Variants in DMD observed in about 807,000 individuals in gnomAD.
The protein encoded by DMD is dystrophin.
A neutral mutation model predicts 330.1 loss-of-function variants in DMD; 63 were observed. The observed-to-expected ratio is 0.19, with a 90% CI of 0.16 to 0.24. DMD has a LOEUF of 0.24. DMD is among the 10% of genes least tolerant of loss of function. The pLI, the probability that DMD is intolerant of heterozygous loss-of-function variation, is 1.00. For missense variants in DMD, 3,344 were observed against 2,684.1 expected (o/e 1.25, Z -5.43); for synonymous variants, 1,223 against 959.8 (o/e 1.27, Z -5.07).
chrX:32,723,401 T>C (rs936487701), intron 7 of DMD, among the ~76,000 whole-genome samples: 8 of 111,495 alleles, frequency 7.2e-5, no homozygotes, highest in African/African-American at 2.6e-4. Flanking sequence ...GCGGTGTCTG[T>C]TTGACTTTCG....
Position 32,085,629 on chromosome X carries a change from C to CACACATATATACGTATATAT in DMD, c.6439-117116_6439-117115insATATATACGTATATATGTGT, listed in dbSNP as rs1569541189. ...GTGTATATATATACGTATATATATA[C>CACACATATATACGTATATAT]ACATATATACGTATATATATGTGTG... On this transcript the variant is annotated intron_variant, in intron 44 of 78. Coordinates refer to ENST00000357033, the MANE Select transcript of DMD (RefSeq NM_004006.3). Among the ~76,000 whole-genome samples the CACACATATATACGTATATAT allele has an allele frequency of 2.7e-3, 146 of 54,902 alleles. 1 individual carries two copies. The highest frequency in any genetic ancestry group is 9.5e-3 in the African/African-American group (140 of 14,682). 47.7% of individuals were successfully genotyped at this position (54,902 alleles called of 115,157 possible).
chrX:32,040,486 A>G (rs767530509), intron 44 of DMD, among the ~76,000 whole-genome samples: 4 of 112,053 alleles, frequency 3.6e-5, no homozygotes, highest in Non-Finnish European at 7.5e-5. Context: ...AACCGTAGCT[A>G]AAGTCCAGAC....
intron 44 of DMD, among the ~76,000 whole-genome samples, chrX:32,085,617 C>CAT (rs1569541143): frequency 1.2e-5 from 1 of 85,301 alleles, no homozygotes; most frequent in African/African-American, 4.7e-5. Flanking sequence ...TATATATATA[C>CAT]GTATATATAT....
At chrX:32,776,516 G>A (rs1193934500) in intron 7 of DMD, among the ~76,000 whole-genome samples, 1 of 111,270 alleles carries the variant, frequency 9.0e-6, no homozygotes, top group Non-Finnish European at 1.9e-5. Flanking sequence ...AATCATGGTG[G>A]AAGGTGAAGG....
intron 1 of DMD, among the ~76,000 whole-genome samples, chrX:33,281,865 A>G (rs754151072): frequency 9.3e-6 from 1 of 107,924 alleles, no homozygotes; most frequent in South Asian, 4.2e-4. Context: ...TTGATGGTAC[A>G]TTCTGAGTGG....
At chrX:32,437,408 T>C (rs770798919) in intron 29 of DMD, among the ~76,000 whole-genome samples, 93 of 112,204 alleles carry the variant, frequency 8.3e-4, no homozygotes, top group African/African-American at 2.9e-3. Context: ...GTCCCCGACA[T>C]TGACTATTCA....
rs2097575999 is a variant in DMD at position 32,314,487 on chromosome X, G to A, written c.5923-4211C>T. Among the ~76,000 whole-genome samples the A allele has an allele frequency of 3.6e-5, 4 of 111,307 alleles. No homozygotes were observed. The Admixed American group carries it at 3.8e-4, about 11-fold the overall frequency. On this transcript the variant is annotated intron_variant, in intron 41 of 78. Coordinates refer to ENST00000357033, the MANE Select transcript of DMD (RefSeq NM_004006.3). Reference sequence around the variant, plus strand: ...AATACCATTCAGGATACAGGCATGGGCAAAGACTTCATGACTAAAACACCA... The same window carrying A: ...AATACCATTCAGGATACAGGCATGGACAAAGACTTCATGACTAAAACACCA...
chrX:32,614,362 C>T lies in DMD; in HGVS notation c.1423G>A (p.Glu475Lys), dbSNP rs1244566884. Residue 475 changes from glutamate to lysine, a missense_variant, in exon 12 of 79, where the codon GAG becomes AAG. Physicochemically the swap from Glu to Lys is moderately conservative, Grantham distance 56. Transcript: ENST00000357033. ...AGATCAGGTCCAAGAGGCTCTTCCT[C>T]CATTTTCCTTGTTCTTTCTTCTGTT... ...TKTEERTRKMEEEPLGPDLED... is the reference protein window; with the variant it reads ...TKTEERTRKMKEEPLGPDLED... 2.5e-6 allele frequency: 3 copies of T among 1,208,191 alleles called. No homozygotes were observed. Among genetic ancestry groups the T allele is most frequent in the Non-Finnish European group, 3.4e-6 (3 of 893,476 alleles).
intron 47 of DMD, among the ~76,000 whole-genome samples, chrX:31,905,606 TA>T (rs1248062459): frequency 4.8e-5 from 5 of 105,249 alleles, no homozygotes; most frequent in South Asian, 4.2e-4. Context: ...GAACAGAAAT[TA>T]AAAAAAAAGG....
chrX:32,459,269 T>A (rs150598103), intron 25 of DMD, among the ~76,000 whole-genome samples: 1 of 111,118 alleles, frequency 9.0e-6, no homozygotes, highest in African/African-American at 3.3e-5. Flanking sequence ...GGTATACGCT[T>A]ATCCCCAAAC....
Position 32,812,974 on chromosome X carries a change from G to A in DMD, c.531-3363C>T, listed in dbSNP as rs150772552. Among the ~76,000 whole-genome samples, 721 of 111,191 alleles carry A rather than the reference G, an allele frequency of 6.5e-3. 3 individuals carry two copies. The highest frequency in any genetic ancestry group is 0.022 in the African/African-American group (674 of 30,633). ...TGAGAAACTAGTTTTCTCATCTATGGCATAGTATACAAGGTTAAATTGAGT... is the reference window on the plus strand; with the variant it reads ...TGAGAAACTAGTTTTCTCATCTATGACATAGTATACAAGGTTAAATTGAGT... On this transcript the variant is annotated intron_variant, in intron 6 of 78. Transcript: ENST00000357033.
At chrX:32,208,724 G>A (rs1043689097) in intron 44 of DMD, among the ~76,000 whole-genome samples, 1 of 112,238 alleles carries the variant, frequency 8.9e-6, no homozygotes, top group Non-Finnish European at 1.9e-5. Flanking sequence ...GGAGCTCTTA[G>A]TCAGCTCTGT....
At chrX:32,324,538 A>C (rs1360818171) in intron 41 of DMD, among the ~76,000 whole-genome samples, 1 of 111,811 alleles carries the variant, frequency 8.9e-6, no homozygotes, top group Non-Finnish European at 1.9e-5. Flanking sequence ...ACCGAAAAGC[A>C]CTAAATGGGT....
chrX:32,975,597 G>A (rs2092527197), intron 2 of DMD, among the ~76,000 whole-genome samples: 1 of 110,511 alleles, frequency 9.0e-6, no homozygotes, highest in African/African-American at 3.3e-5. Context: ...TGGCCTTTTG[G>A]CATCTGAGAG....
intron 48 of DMD, among the ~76,000 whole-genome samples, chrX:31,843,847 T>TTATTGTATTGTATTGTATTATATTG (rs57045672): frequency 1.7e-4 from 19 of 109,178 alleles, no homozygotes; most frequent in African/African-American, 6.4e-4. Context: ...GTTTGAGATT[T>TTATTGTATTGTATTGTATTATATTG]TATTGTATTG....
At chrX:31,999,512 C>A (rs2095611429) in intron 44 of DMD, among the ~76,000 whole-genome samples, 1 of 111,880 alleles carries the variant, frequency 8.9e-6, no homozygotes, top group Non-Finnish European at 1.9e-5. Flanking sequence ...GAAAAGTGTA[C>A]AAATTATTTT....
At chrX:31,973,462 C>T (rs2095414362) in intron 44 of DMD, among the ~76,000 whole-genome samples, 1 of 110,233 alleles carries the variant, frequency 9.1e-6, no homozygotes, top group Non-Finnish European at 1.9e-5. Flanking sequence ...GACAAGAATC[C>T]AGTCCATATA....
chrX:32,881,080 C>A (rs1250870366), intron 2 of DMD, among the ~76,000 whole-genome samples: 1 of 112,290 alleles, frequency 8.9e-6, no homozygotes, highest in African/African-American at 3.2e-5. Context: ...AAGCAGAAAC[C>A]ACGAAGGCAG....
chrX:33,330,318 T>G (rs2054152932), intron 1 of DMD, among the ~76,000 whole-genome samples: 1 of 111,413 alleles, frequency 9.0e-6, no homozygotes, highest in Admixed American at 9.6e-5. Context: ...GATAAAACCT[T>G]ACGGATTATC....
Sources: allele counts gnomAD v4.1 joint callset (sites outside exome capture counted in the v4.1 genomes callset), GRCh38; gene constraint gnomAD v4.1.1; transcripts MANE v1.5; gene names NCBI Gene and HGNC (gene_info 2026-07-23, HGNC 2026-07-21).